The following RALGAPA2 variants were observed in gnomAD, a reference collection of about 807,000 sequenced individuals.
The protein encoded by RALGAPA2 is ral GTPase-activating protein subunit alpha-2.
In RALGAPA2, 139 loss-of-function variants were observed where a neutral mutation model predicts 230.4. That is an observed-to-expected ratio of 0.60 (90% CI 0.53 to 0.69). The LOEUF is 0.69. Ranked by LOEUF, RALGAPA2 falls within the 30% of genes least tolerant of loss-of-function variation. The pLI is 0.00. For synonymous variants in RALGAPA2, 847 were observed against 837.8 expected (o/e 1.01, Z -0.19); for missense variants, 2,163 against 2,276.0 (o/e 0.95, Z 1.01).
chr20:20,599,191 G>A (rs549390133), intron 16 of RALGAPA2, among the ~76,000 whole-genome samples: 1 of 151,858 alleles, frequency 6.6e-6, no homozygotes. Context: ...GGTGAGAGAG[G>A]GCATATCTGG....
At position 20,712,283 on chromosome 20, in the gene RALGAPA2, C is replaced by CA; in HGVS notation, c.106+91_106+92insT. On this transcript the variant is annotated intron_variant, in intron 1 of 39. Transcript: ENST00000202677. The surrounding 1 kb of genome is among the most constrained non-coding windows in gnomAD (Gnocchi z 5.5). ...ACGCCCACCCATCCCCCTCCCCAGCCTCCCAGCCACCGACCCCTGCACAGA... is the reference window on the plus strand; with the variant it reads ...ACGCCCACCCATCCCCCTCCCCAGCCATCCCAGCCACCGACCCCTGCACAGA... The CA allele has an allele frequency of 8.3e-7, 1 of 1,210,682 alleles. No homozygotes were observed. Among genetic ancestry groups the CA allele is most frequent in the Non-Finnish European group, 1.1e-6 (1 of 889,028 alleles). 75.0% of individuals were successfully genotyped at this position (1,210,682 alleles called of 1,614,324 possible). A position where few individuals can be genotyped will look rare whatever the true frequency, so the allele number is the denominator to read the frequency against.
intron 23 of RALGAPA2, among the ~76,000 whole-genome samples, chr20:20,565,121 T>C (rs1324899684): frequency 1.8e-4 from 27 of 152,218 alleles, no homozygotes; most frequent in Admixed American, 1.7e-3. Context: ...TAAAATCACT[T>C]GCTGTACAGA....
At chr20:20,477,080 T>C (rs1171638809) in intron 36 of RALGAPA2, among the ~76,000 whole-genome samples, 2 of 152,198 alleles carry the variant, frequency 1.3e-5, no homozygotes, top group Non-Finnish European at 1.5e-5. Flanking sequence ...GTGATTGAGA[T>C]GGGGCACGAG....
At position 20,680,801 on chromosome 20, in the gene RALGAPA2, T is replaced by C; in HGVS notation, c.107A>G (p.Asp36Gly). The C allele has an allele frequency of 6.4e-7, 1 of 1,564,314 alleles. No individual in the cohort carries two copies. Residue 36 changes from aspartate (D) to glycine (G), a missense_variant and splice_region_variant, in exon 2 of 40, where the codon GAT becomes GGT. Transcript: ENST00000202677. ...TRLKHLRALL[D>G]NVDANDLKQF... ...CTTAAGATCATTTGCATCCACATTA[T>C]CTGAAAAGAAAAAGTTTCCATTTAT...
intron 35 of RALGAPA2, 52 bp downstream of exon 35, chr20:20,503,299 C>T (rs765053365): frequency 1.1e-5 from 16 of 1,404,550 alleles, no homozygotes; most frequent in Middle Eastern, 3.9e-4. Context: ...CCTAGGAGAG[C>T]CTCACCTACA....
intron 1 of RALGAPA2, among the ~76,000 whole-genome samples, chr20:20,683,599 T>C (rs967943220): frequency 6.6e-6 from 1 of 152,206 alleles, no homozygotes. Flanking sequence ...GCTGGTTCAG[T>C]GTATGAGACA....
At chr20:20,688,853 T>C (rs2068797107) in intron 1 of RALGAPA2, among the ~76,000 whole-genome samples, 1 of 152,208 alleles carries the variant, frequency 6.6e-6, no homozygotes, top group South Asian at 2.1e-4. Context: ...TAAAACCTCT[T>C]ACAATAATGG....
At chr20:20,641,324 C>A (rs944648364) in intron 5 of RALGAPA2, among the ~76,000 whole-genome samples, 1 of 152,186 alleles carries the variant, frequency 6.6e-6, no homozygotes. Flanking sequence ...TACCCACGGC[C>A]TCAATTATCC....
In RALGAPA2 at chr20:20,398,469, A is replaced by T. The variant is rs187054344; in HGVS notation, c.5618-1735T>A. On this transcript the variant is annotated intron_variant, in intron 38 of 39. Transcript: ENST00000202677. The surrounding 1 kb of genome is among the most constrained non-coding windows in gnomAD (Gnocchi z 4.5). The stretch of plus-strand genomic sequence containing the variant: ...GAGTTAAGGAGATGCAAAGACAGAG[A>T]CAGTTGGGGGCTGCCTTGATTATTC... Among the ~76,000 whole-genome samples the T allele has an allele frequency of 6.6e-6, 1 of 152,316 alleles. No homozygotes were observed. Among genetic ancestry groups the T allele is most frequent in the African/African-American group, 2.4e-5 (1 of 41,566 alleles).
At chr20:20,696,775 T>C (rs1270472300) in intron 1 of RALGAPA2, among the ~76,000 whole-genome samples, 1 of 152,160 alleles carries the variant, frequency 6.6e-6, no homozygotes, top group Non-Finnish European at 1.5e-5. Flanking sequence ...CAGGTCTCAG[T>C]CCAAACCTCC....
intron 4 of RALGAPA2, among the ~76,000 whole-genome samples, chr20:20,649,157 G>A (rs961659229): frequency 2.6e-5 from 4 of 152,142 alleles, no homozygotes; most frequent in African/African-American, 4.8e-5. Flanking sequence ...GGAGGCAGGT[G>A]GGGTCCCTGA....
intron 15 of RALGAPA2, among the ~76,000 whole-genome samples, chr20:20,604,008 G>A (rs1238794668): frequency 6.6e-6 from 1 of 152,132 alleles, no homozygotes; most frequent in Non-Finnish European, 1.5e-5. Flanking sequence ...TTTACCCTAT[G>A]TGCTCTGTGA....
chr20:20,411,138 A>C (rs993840184), intron 38 of RALGAPA2, among the ~76,000 whole-genome samples: 17 of 152,352 alleles, frequency 1.1e-4, no homozygotes, highest in African/African-American at 4.1e-4. Context: ...ACAGGTTAGA[A>C]ATCTATTAAG....
intron 28 of RALGAPA2, among the ~76,000 whole-genome samples, chr20:20,525,541 G>T (rs754543840): frequency 1.2e-4 from 18 of 152,302 alleles, no homozygotes; most frequent in Non-Finnish European, 1.8e-4. Flanking sequence ...CTCTCTCCTT[G>T]TAATACCTCA....
intron 1 of RALGAPA2, among the ~76,000 whole-genome samples, chr20:20,682,665 A>C (rs1185014776): frequency 1.3e-5 from 2 of 152,180 alleles, no homozygotes; most frequent in Admixed American, 1.3e-4. Flanking sequence ...CTCGTCTATG[A>C]GACATATTCC....
intron 37 of RALGAPA2, among the ~76,000 whole-genome samples, chr20:20,417,886 T>C (rs2060197652): frequency 1.3e-5 from 2 of 152,222 alleles, no homozygotes; most frequent in East Asian, 1.9e-4. Flanking sequence ...AGAGTTCAAT[T>C]TGAAGTAAAA....
intron 7 of RALGAPA2, among the ~76,000 whole-genome samples, chr20:20,639,256 GA>G (rs1439990507): frequency 6.6e-6 from 1 of 152,122 alleles, no homozygotes; most frequent in Non-Finnish European, 1.5e-5. Flanking sequence ...TATTTGCTGA[GA>G]AAAAAGAATC....
rs1312865437 is a variant in RALGAPA2 at position 20,680,761 on chromosome 20, G to C, written c.147C>G (p.Thr49=). 1.9e-6 allele frequency: 3 copies of C among 1,585,084 alleles called. No individual in the cohort carries two copies. Among genetic ancestry groups the C allele is most frequent in the African/African-American group, 1.4e-5 (1 of 73,220 alleles). ...DANDLKQFFE[T]NYSQIYFIFY... is the part of the protein sequence containing the mutation. ...AGATGAAATATATCTGAGAATAGTT[G>C]GTCTCAAAAAACTGCTTAAGATCAT... Residue 49 remains threonine (T), a synonymous_variant, in exon 2 of 40, where the codon ACC becomes ACG. Transcript: ENST00000202677.
intron 24 of RALGAPA2, among the ~76,000 whole-genome samples, chr20:20,544,439 G>A (rs998162649): frequency 5.3e-5 from 8 of 152,088 alleles, no homozygotes; most frequent in Non-Finnish European, 7.4e-5. Flanking sequence ...TAGTTCAACC[G>A]TTGTGGAAGA....
Sources: allele counts gnomAD v4.1 joint callset (sites outside exome capture counted in the v4.1 genomes callset), GRCh38; gene constraint gnomAD v4.1.1; non-coding constraint Gnocchi (gnomAD v3.1); transcripts MANE v1.5; gene names NCBI Gene and HGNC (gene_info 2026-07-23, HGNC 2026-07-21).